Variants in PDIA6 observed in about 807,000 individuals in gnomAD.
The protein encoded by PDIA6 is protein disulfide isomerase family A member 6, also known as protein disulfide-isomerase A6.
Under a neutral mutation model 58.4 loss-of-function variants are expected in PDIA6, and 29 were observed. The ratio of observed to expected loss-of-function variants is 0.50; its 90% CI spans 0.37 to 0.68. The LOEUF is 0.68. PDIA6 is among the 30% of genes least tolerant of loss of function. PDIA6 has a pLI of 0.00. For synonymous variants in PDIA6, 192 were observed against 202.6 expected (o/e 0.95, Z 0.44); for missense variants, 480 against 551.0 (o/e 0.87, Z 1.29).
chr2:10,797,290 T>C, intron 3 of PDIA6, 83 bp from the exon 4 acceptor site: 1 of 1,380,762 alleles, frequency 7.2e-7, no homozygotes, highest in Non-Finnish European at 9.9e-7. Flanking sequence ...TCACATAGAC[T>C]CAGAAAAAGG....
chr2:10,787,523 T>C, intron 10 of PDIA6, 84 bp from the exon 11 acceptor site: 1 of 1,233,480 alleles, frequency 8.1e-7, no homozygotes, highest in South Asian at 1.4e-5. Context: ...GAACAAAAGA[T>C]CACGCTTCAG....
intron 1 of PDIA6, 51 bp from the exon 2 acceptor site, chr2:10,802,691 C>T (rs750315760): frequency 1.5e-6 from 2 of 1,328,090 alleles, no homozygotes; most frequent in East Asian, 5.6e-5. Context: ...CATGCTTTGA[C>T]TGGAAACCCT....
rs554471700 is a variant in PDIA6 at position 10,819,297 on chromosome 2, G to C, written c.11C>G (p.Ser4Ter). Reference sequence around the variant, plus strand: ...ACCGGGTGCATTAGCCATGGTGGTTGATGGATACATTATGGGACTTTTCCT... The same window carrying C: ...ACCGGGTGCATTAGCCATGGTGGTTCATGGATACATTATGGGACTTTTCCT... The change falls in exon 2 of 14, where the codon TCA becomes TGA. Residue 4 changes from serine to a stop codon, truncating the protein, a stop_gained. Coordinates refer to the PDIA6 transcript ENST00000381611. LOFTEE classifies it high-confidence loss of function. 40 of 1,536,432 alleles carry C rather than the reference G, an allele frequency of 2.6e-5. No individual in the cohort carries two copies. The South Asian group carries it at 4.8e-4, about 18-fold the overall frequency.
At chr2:10,834,732 CTCCTTCCTTCCTTCCT>C (rs869156704), upstream of PDIA6, among the ~76,000 whole-genome samples, 2 of 36,414 alleles carry the variant, frequency 5.5e-5, no homozygotes, top group Admixed American at 7.3e-4. Context: ...CCTTCCTTCC[CTCCTTCCTTCCTTCCT>C]TCCTTCCTTC....
At chr2:10,784,349 T>G (rs202128717) in intron 12 of PDIA6, 23 bp from the exon 13 acceptor site, 93 of 1,601,146 alleles carry the variant, frequency 5.8e-5, no homozygotes, top group African/African-American at 2.7e-5. Context: ...AGAAAGCCAC[T>G]GTTAGATCTG....
chr2:10,832,843 G>A (rs1667744083), upstream of PDIA6, among the ~76,000 whole-genome samples: 1 of 152,144 alleles, frequency 6.6e-6, no homozygotes. Flanking sequence ...GTAAGGAGGC[G>A]GTGAGGATCA....
intron 4 of PDIA6, among the ~76,000 whole-genome samples, chr2:10,794,651 G>A (rs560162284): frequency 1.1e-4 from 17 of 150,074 alleles, no homozygotes; most frequent in Non-Finnish European, 2.1e-4. Flanking sequence ...AATATAGGCC[G>A]GGTGCGGTGG....
chr2:10,819,972 G>C (rs558967922), intron 1 of PDIA6, among the ~76,000 whole-genome samples: 2 of 152,220 alleles, frequency 1.3e-5, no homozygotes, highest in African/African-American at 4.8e-5. Flanking sequence ...ACCATGTGTT[G>C]TGTTTCGTTT....
At chr2:10,835,876 T>C (rs975300630), upstream of PDIA6, among the ~76,000 whole-genome samples, 3 of 152,060 alleles carry the variant, frequency 2.0e-5, no homozygotes, top group Non-Finnish European at 4.4e-5. Flanking sequence ...CATAGTGAAA[T>C]CCCGTCTCTA....
intron 1 of PDIA6, among the ~76,000 whole-genome samples, chr2:10,812,063 A>G (rs369947661): frequency 3.9e-5 from 6 of 152,054 alleles, no homozygotes; most frequent in African/African-American, 9.6e-5. Context: ...GGCGCGCGAC[A>G]CCACGCCCGA....
chr2:10,808,293 A>G (rs1666845467), intron 1 of PDIA6, among the ~76,000 whole-genome samples: 1 of 152,264 alleles, frequency 6.6e-6, no homozygotes, highest in Non-Finnish European at 1.5e-5. Flanking sequence ...GAGATAAAGT[A>G]GCAAAGACTT....
intron 1 of PDIA6, chr2:10,810,481 A>G (rs1666957872): frequency 7.6e-7 from 1 of 1,315,964 alleles, no homozygotes; most frequent in Admixed American, 3.6e-5. Context: ...CTTTCCGTAT[A>G]AAGACGCTCT....
At chr2:10,806,304 G>A (rs950048462) in intron 1 of PDIA6, among the ~76,000 whole-genome samples, 1 of 150,470 alleles carries the variant, frequency 6.6e-6, no homozygotes, top group African/African-American at 2.4e-5. Context: ...GGAGGTCGAG[G>A]CTACGGGTGC....
At chr2:10,793,336 G>A in intron 4 of PDIA6, 134 bp from the exon 5 acceptor site, 1 of 616,882 alleles carries the variant, frequency 1.6e-6, no homozygotes, top group South Asian at 1.9e-5. Flanking sequence ...GTGTATCTCT[G>A]ACAGAACACA....
intron 11 of PDIA6, among the ~76,000 whole-genome samples, chr2:10,785,448 C>CG (rs942279012): frequency 6.6e-6 from 1 of 152,070 alleles, no homozygotes; most frequent in Non-Finnish European, 1.5e-5. Context: ...TGGCAGAGAG[C>CG]GGGGTGCGTA....
At chr2:10,802,885 C>A (rs1666574796) in intron 1 of PDIA6, among the ~76,000 whole-genome samples, 1 of 152,202 alleles carries the variant, frequency 6.6e-6, no homozygotes, top group Admixed American at 6.5e-5. Context: ...TGGAAAAAGG[C>A]TGAAGCATTA....
chr2:10,817,569 C>T (rs879262101), upstream of PDIA6, among the ~76,000 whole-genome samples: 11 of 152,254 alleles, frequency 7.2e-5, no homozygotes, highest in Non-Finnish European at 1.2e-4. Flanking sequence ...CACTTCACCA[C>T]ACAGCTCCCC....
chr2:10,819,402 C>A (rs1188398163), intron 1 of PDIA6: 3 of 1,103,066 alleles, frequency 2.7e-6, no homozygotes, highest in Admixed American at 2.1e-5. Flanking sequence ...GATGGGGAAA[C>A]TATTACCGAA....
intron 2 of PDIA6, among the ~76,000 whole-genome samples, chr2:10,800,917 G>A (rs1424086074): frequency 1.3e-5 from 2 of 152,112 alleles, no homozygotes; most frequent in African/African-American, 4.8e-5. Flanking sequence ...GACCGTAAAA[G>A]TTTTATTATA....
Sources: gnomAD v4.1 joint callset for allele counts (sites outside exome capture counted in the v4.1 genomes callset) on GRCh38, gnomAD v4.1.1 for gene constraint, MANE v1.5 for transcripts, NCBI Gene and HGNC (gene_info 2026-07-23, HGNC 2026-07-21) for gene names.